PRR12: variants seen among roughly 807,000 people sequenced by gnomAD.
The protein encoded by PRR12 is proline rich 12.
Under a neutral mutation model 138.0 loss-of-function variants are expected in PRR12, and 12 were observed. The observed-to-expected ratio is 0.09, with a 90% CI of 0.06 to 0.14. The LOEUF is 0.14. PRR12 is among the 10% of genes least tolerant of loss of function. The pLI is 1.00. For synonymous variants in PRR12, 1,567 were observed against 1,291.7 expected, an observed-to-expected ratio of 1.21 and a Z score of -4.57; for missense variants, 2,692 against 2,861.3, an observed-to-expected ratio of 0.94 and a Z score of 1.35.
intron 6 of PRR12, among the ~76,000 whole-genome samples, chr19:49,609,572 G>T (rs1429475951): frequency 4.1e-5 from 6 of 147,094 alleles, no homozygotes; most frequent in East Asian, 2.0e-4. Flanking sequence ...CTGCACTCCA[G>T]CCTGGGCCAC....
At chr19:49,612,796 C>T (rs2080873371) in intron 6 of PRR12, among the ~76,000 whole-genome samples, 1 of 152,006 alleles carries the variant, frequency 6.6e-6, no homozygotes, top group Admixed American at 6.6e-5. Context: ...TCCCAAGTAG[C>T]TGGGAGTACA....
Position 49,616,095 on chromosome 19 carries a change from T to C in PRR12, c.5373T>C (p.Ala1791=). The change falls in exon 9 of 14, where the codon GCT becomes GCC. Residue 1791 remains alanine, a synonymous_variant. Coordinates refer to ENST00000418929, the MANE Select transcript of PRR12 (RefSeq NM_020719.3). The surrounding 1 kb of genome is among the most constrained non-coding windows in gnomAD (Gnocchi z 4.2). The part of the protein sequence containing the change: ...LPKARPTKVK[A]EPPPKKRKKW... ...AAGCCCGGCCTACCAAGGTGAAGGCTGAACCGCCCCCTAAGAAGAGGAAGA... is the reference window on the plus strand; with the variant it reads ...AAGCCCGGCCTACCAAGGTGAAGGCCGAACCGCCCCCTAAGAAGAGGAAGA... 6.4e-7 allele frequency: 1 copy of C among 1,568,154 alleles called. No individual in the cohort carries two copies. The highest frequency in any genetic ancestry group is 8.6e-7 in the Non-Finnish European group (1 of 1,157,096).
At chr19:49,598,044 G>T in intron 4 of PRR12, 31 bp downstream of exon 4, 2 of 1,309,616 alleles carry the variant, frequency 1.5e-6, no homozygotes, top group South Asian at 5.4e-5. Flanking sequence ...GTAGGGGATA[G>T]GGGAGGAGGA....
intron 1 of PRR12, among the ~76,000 whole-genome samples, 153 bp downstream of exon 1, chr19:49,591,893 C>T (rs1214357380): frequency 6.6e-6 from 1 of 151,986 alleles, no homozygotes; most frequent in African/African-American, 2.4e-5. Context: ...GTAACAACGC[C>T]GCCGCCCCAG....
chr19:49,616,184 A>G lies in PRR12; in HGVS notation c.5462A>G (p.Asp1821Gly). ...GGGGGCCCACCAGGCAGCTCCTCGG[A>G]CTCGGAGTCCTCCCCTGGAGCCCCC... Reference protein sequence around the residue: ...AGGGPPGSSSDSESSPGAPSE... With the variant: ...AGGGPPGSSSGSESSPGAPSE... The change falls in exon 9 of 14, where the codon GAC becomes GGC. Residue 1821 changes from aspartate (D) to glycine (G), a missense_variant. By Grantham distance (94) the Asp-to-Gly change is moderately conservative. This residue lies in a region of PRR12 where 259 missense variants were observed against 265.1 expected (regional missense o/e 0.98). Transcript: ENST00000418929. This position sits in a 1 kb window ranked among gnomAD's most constrained non-coding sequence, Gnocchi z 4.2. 6.4e-7 allele frequency: 1 copy of G among 1,551,700 alleles called. No individual in the cohort carries two copies. The highest frequency in any genetic ancestry group is 8.7e-7 in the Non-Finnish European group (1 of 1,147,878).
chr19:49,615,444 G>A (rs992419101), intron 8 of PRR12, among the ~76,000 whole-genome samples: 4 of 151,342 alleles, frequency 2.6e-5, no homozygotes, highest in African/African-American at 9.7e-5. Context: ...CAGAAAGAGG[G>A]GGATAGAGAC....
Position 49,616,069 on chromosome 19 carries a change from A to G in PRR12, c.5347A>G (p.Lys1783Glu), listed in dbSNP as rs2080891444. ...TGQPATSRLP[K>E]ARPTKVKAEP... Reference sequence around the variant, plus strand: ...ACAACCTGCCACATCCCGGCTGCCCAAAGCCCGGCCTACCAAGGTGAAGGC... The same window carrying G: ...ACAACCTGCCACATCCCGGCTGCCCGAAGCCCGGCCTACCAAGGTGAAGGC... The change falls in exon 9 of 14, where the codon AAA (lysine) becomes GAA (glutamate). Residue 1783 changes from lysine (K) to glutamate (E), a missense_variant. By Grantham distance (56) the Lys-to-Glu change is moderately conservative (BLOSUM62 1). This residue lies in a region of PRR12 where 259 missense variants were observed against 265.1 expected (regional missense o/e 0.98). Transcript: ENST00000418929. This position sits in a 1 kb window ranked among gnomAD's most constrained non-coding sequence, Gnocchi z 4.2. The G allele has an allele frequency of 1.9e-6, 3 of 1,566,016 alleles. No individual in the cohort carries two copies. Among genetic ancestry groups the G allele is most frequent in the Non-Finnish European group, 1.7e-6 (2 of 1,156,100 alleles).
chr19:49,595,282 G>A lies in PRR12; in HGVS notation c.947G>A (p.Cys316Tyr). 10 of 1,545,428 alleles carry A rather than the reference G, an allele frequency of 6.5e-6. No individual in the cohort carries two copies. The highest frequency in any genetic ancestry group is 8.7e-6 in the Non-Finnish European group (10 of 1,146,424). Residue 316 changes from cysteine (C) to tyrosine (Y), a missense_variant, in exon 4 of 14, where the codon TGT becomes TAT. Physicochemically the swap from Cys to Tyr is radical, Grantham distance 194. This residue lies in a region of PRR12 where 523 missense variants were observed against 496.4 expected (regional missense o/e 1.05). Coordinates refer to ENST00000418929, the MANE Select transcript of PRR12 (RefSeq NM_020719.3). Reference sequence around the variant, plus strand: ...CATGCGCTCCAGCACTATCTGAGCTGTGGAGGCAGCTACCCCTCCATGGGC... The same window carrying A: ...CATGCGCTCCAGCACTATCTGAGCTATGGAGGCAGCTACCCCTCCATGGGC... ...PAHALQHYLS[C>Y]GGSYPSMGHR...
chr19:49,599,809 G>A lies in PRR12; in HGVS notation c.4216G>A (p.Asp1406Asn), dbSNP rs1427331965. 2.5e-6 allele frequency: 4 copies of A among 1,613,462 alleles called. No individual in the cohort carries two copies. Among genetic ancestry groups the A allele is most frequent in the Middle Eastern group, 1.7e-4 (1 of 6,058 alleles). Residue 1406 changes from aspartate (D) to asparagine (N), a missense_variant, in exon 5 of 14, where the codon GAT becomes AAT. Asp to Asn is a conservative substitution (Grantham distance 23). Coordinates refer to ENST00000418929, the MANE Select transcript of PRR12 (RefSeq NM_020719.3). The surrounding 1 kb of genome is among the most constrained non-coding windows in gnomAD (Gnocchi z 5.0). Reference sequence around the variant, plus strand: ...CATCTCCTCCGCCATCTCTGCCCTCGATGACCCACCCCTTGCTGGGCCAAA... The same window carrying A: ...CATCTCCTCCGCCATCTCTGCCCTCAATGACCCACCCCTTGCTGGGCCAAA... ...ESISSAISAL[D>N]DPPLAGPKDT...
chr19:49,610,296 C>T (rs550571021), intron 6 of PRR12, among the ~76,000 whole-genome samples: 100 of 152,088 alleles, frequency 6.6e-4, no homozygotes, highest in African/African-American at 2.1e-3. Flanking sequence ...GCAGTTTTCT[C>T]ATTAATATCG....
In PRR12 at chr19:49,603,809, T is replaced by C. The variant is rs547105373; in HGVS notation, c.4773+1891T>C. 3.9e-5 allele frequency among the ~76,000 whole-genome samples: 6 copies of C among 152,224 alleles called. No homozygotes were observed. The East Asian group carries it at 1.2e-3, about 29-fold the overall frequency. ...AATTATTAATTATAAGGATAATAAC[T>C]ATCATTACACTTTTTTCTTTTCTTT... On this transcript the variant is annotated intron_variant, in intron 6 of 13. Transcript: ENST00000418929.
chr19:49,625,648 CGAGAA>C lies in PRR12; in HGVS notation c.*42_*46del. The C allele has an allele frequency of 6.4e-7, 1 of 1,563,338 alleles. No homozygotes were observed. Among genetic ancestry groups the C allele is most frequent in the Non-Finnish European group, 8.7e-7 (1 of 1,155,868 alleles). ...TGAGGGGGGCGCCTCCTCCATGAAC[CGAGAA>C]TTGGGACAGAACCGTGTCCTCAGGA... On this transcript the variant is annotated 3_prime_UTR_variant, in exon 14 of 14. Transcript: ENST00000418929. This position sits in a 1 kb window ranked among gnomAD's most constrained non-coding sequence, Gnocchi z 5.5.
At position 49,599,643 on chromosome 19, in the gene PRR12, A is replaced by G; in HGVS notation, c.4050A>G (p.Ala1350=). 6.2e-7 allele frequency: 1 copy of G among 1,609,028 alleles called. No individual in the cohort carries two copies. Among genetic ancestry groups the G allele is most frequent in the Non-Finnish European group, 8.5e-7 (1 of 1,176,332 alleles). ...GGCTTGGGGGCGCCCTGGAGGCTGC[A>G]GAGAGTGAGGGTCTGGGGCTTGGCT... is the stretch of plus-strand genomic sequence containing the variant. The part of the protein sequence containing the change: ...AFGLGGALEA[A]ESEGLGLGCP... The change falls in exon 5 of 14, where the codon GCA becomes GCG. Residue 1350 remains alanine (A), a synonymous_variant. Transcript: ENST00000418929. This position sits in a 1 kb window ranked among gnomAD's most constrained non-coding sequence, Gnocchi z 5.0.
Position 49,599,540 on chromosome 19 carries a change from C to T in PRR12, c.3947C>T (p.Ser1316Phe), listed in dbSNP as rs754173315. The change falls in exon 5 of 14, where the codon TCT becomes TTT. Residue 1316 changes from serine to phenylalanine, a missense_variant. By Grantham distance (155) the Ser-to-Phe change is radical. This residue lies in a region of PRR12 where 326 missense variants were observed against 344.2 expected (regional missense o/e 0.95). Coordinates refer to ENST00000418929, the MANE Select transcript of PRR12 (RefSeq NM_020719.3). This position sits in a 1 kb window ranked among gnomAD's most constrained non-coding sequence, Gnocchi z 5.0. ...AGCCCTCCCAAGAGTGTGCCACCCTCTGTGCCAGCCCGAGGCCTGCAGCCC... is the reference window on the plus strand; with the variant it reads ...AGCCCTCCCAAGAGTGTGCCACCCTTTGTGCCAGCCCGAGGCCTGCAGCCC... ...PLSPPKSVPP[S>F]VPARGLQPQP... 8.1e-6 allele frequency: 13 copies of T among 1,596,080 alleles called. No homozygotes were observed. Among genetic ancestry groups the T allele is most frequent in the African/African-American group, 1.3e-5 (1 of 74,546 alleles).
chr19:49,610,505 G>A (rs1326142114), intron 6 of PRR12, among the ~76,000 whole-genome samples: 4 of 151,522 alleles, frequency 2.6e-5, no homozygotes, highest in Non-Finnish European at 5.9e-5. Context: ...AGGTTTGCAC[G>A]AACCTGGGAG....
rs1248716303 is a variant in PRR12 at position 49,614,697 on chromosome 19, A to G, written c.4890+48A>G. On this transcript the variant is annotated intron_variant, in intron 7 of 13. Transcript: ENST00000418929. This position sits in a 1 kb window ranked among gnomAD's most constrained non-coding sequence, Gnocchi z 5.0. The stretch of plus-strand genomic sequence containing the variant: ...GGACTTGGGGGCCCCGGGGCGTGGT[A>G]TCTAGGAGCTGGGGTTCCCCTTAGT... The G allele has an allele frequency of 1.3e-6, 2 of 1,509,888 alleles. No homozygotes were observed. The highest frequency in any genetic ancestry group is 2.4e-5 in the East Asian group (1 of 40,882). 93.5% of individuals were successfully genotyped at this position (1,509,888 alleles called of 1,614,324 possible). A position where few individuals can be genotyped will look rare whatever the true frequency, so the allele number is the denominator to read the frequency against.
At position 49,614,168 on chromosome 19, in the gene PRR12, G is replaced by A. The variant is rs1174877090; in HGVS notation, c.4774-365G>A. On this transcript the variant is annotated intron_variant, in intron 6 of 13. Transcript: ENST00000418929. The surrounding 1 kb of genome is among the most constrained non-coding windows in gnomAD (Gnocchi z 5.0). ...GGGGACAGTCAGACCACAACAGGAC[G>A]TCTTGCTCACAACCGTACTCTCCTG... 6.6e-6 allele frequency among the ~76,000 whole-genome samples: 1 copy of A among 152,138 alleles called. No individual in the cohort carries two copies. Among genetic ancestry groups the A allele is most frequent in the Non-Finnish European group, 1.5e-5 (1 of 68,034 alleles).
intron 5 of PRR12, among the ~76,000 whole-genome samples, chr19:49,600,358 G>A (rs1198233085): frequency 3.3e-5 from 5 of 151,932 alleles, no homozygotes; most frequent in East Asian, 1.9e-4. Context: ...GAAGGCTAGG[G>A]GCATAGGAAG....
In PRR12 at chr19:49,597,934, C is replaced by A. The variant is rs1329173319; in HGVS notation, c.3599C>A (p.Pro1200His). ...ASTPTDGAKK[P>H]RGRGRGRGRK... ...ACGCCCACCGATGGCGCCAAGAAAC[C>A]CCGGGGCCGGGGCCGAGGCCGGGGT... is the stretch of plus-strand genomic sequence containing the variant. The change falls in exon 4 of 14, where the codon CCC becomes CAC. Residue 1200 changes from proline to histidine, a missense_variant. Transcript: ENST00000418929. This position sits in a 1 kb window ranked among gnomAD's most constrained non-coding sequence, Gnocchi z 6.3. 1.4e-6 allele frequency: 2 copies of A among 1,404,274 alleles called. No individual in the cohort carries two copies. Among genetic ancestry groups the A allele is most frequent in the Non-Finnish European group, 1.8e-6 (2 of 1,082,914 alleles). The allele number at this position is 1,404,274 out of a possible 1,614,324, so 87.0% of individuals were successfully genotyped here. A position where few individuals can be genotyped will look rare whatever the true frequency, so the allele number is the denominator to read the frequency against.
Sources: gnomAD v4.1 joint callset for allele counts (sites outside exome capture counted in the v4.1 genomes callset) on GRCh38, gnomAD v4.1.1 for gene constraint, gnomAD v4.1.1 regional missense constraint, Gnocchi (gnomAD v3.1) non-coding constraint, MANE v1.5 for transcripts, NCBI Gene and HGNC (gene_info 2026-07-23, HGNC 2026-07-21) for gene names.